The following ATXN7L3 variants were observed in gnomAD, a reference collection of about 807,000 sequenced individuals.
The protein encoded by ATXN7L3 is ataxin 7 like 3.
Under a neutral mutation model 50.0 loss-of-function variants are expected in ATXN7L3, and 6 were observed. That is an observed-to-expected ratio of 0.12 (90% CI 0.07 to 0.24). ATXN7L3 has a LOEUF of 0.24. Ranked by LOEUF, ATXN7L3 falls within the 10% of genes least tolerant of loss-of-function variation. The probability of loss-of-function intolerance (pLI) is 1.00; values close to 1 mark genes in which losing one functional copy is unlikely to be tolerated. For missense variants in ATXN7L3, 322 were observed against 451.3 expected (o/e 0.71, Z 2.60); for synonymous variants, 198 against 165.8 (o/e 1.19, Z -1.49).
At chr17:44,197,984 AG>A (rs1567775119) in intron 2 of ATXN7L3, 35 bp downstream of exon 2, 2 of 1,604,806 alleles carry the variant, frequency 1.2e-6, no homozygotes, top group African/African-American at 2.7e-5. Context: ...AGACATCAAG[AG>A]AAAGAACTGG....
Position 44,196,019 on chromosome 17 carries a change from T to C in ATXN7L3, c.523+15A>G, listed in dbSNP as rs1279586207. 2 of 1,607,738 alleles carry C rather than the reference T, an allele frequency of 1.2e-6. No homozygotes were observed. The highest frequency in any genetic ancestry group is 1.7e-5 in the Admixed American group (1 of 59,936). ...ACACAGCTAGAAGCATTCCCATTGC[T>C]CCGGCTCCACTTACCATTTTTGTGT... is the stretch of plus-strand genomic sequence containing the variant. On this transcript the variant is annotated intron_variant, in intron 7 of 12. Transcript: ENST00000587097.
At position 44,193,468 on chromosome 17, in the gene ATXN7L3, C is replaced by T. The variant is rs2055768942; in HGVS notation, c.*795G>A. 3 of 152,716 alleles carry T rather than the reference C, an allele frequency of 2.0e-5. No individual in the cohort carries two copies. The highest frequency in any genetic ancestry group is 1.5e-5 in the Non-Finnish European group (1 of 68,108). 9.5% of individuals were successfully genotyped at this position (152,716 alleles called of 1,614,324 possible). On this transcript the variant is annotated 3_prime_UTR_variant, in exon 13 of 13. Transcript: ENST00000587097. ...ACCGTTCCCTCTCACCTTGGGGCCC[C>T]ACTCCTCACCAGCCCTGGGTCAGGG...
intron 6 of ATXN7L3, 147 bp from the exon 7 acceptor site, chr17:44,196,226 T>TCCCCCCCCCCCCCCAGCCCCCC: frequency 2.7e-6 from 2 of 737,700 alleles, no homozygotes; most frequent in Non-Finnish European, 4.3e-6. Flanking sequence ...CCATGTGCCC[T>TCCCCCCCCCCCCCCAGCCCCCC]CCCCCACCCC....
Position 44,193,289 on chromosome 17 carries a change from A to T in ATXN7L3, c.*974T>A, listed in dbSNP as rs2055761859. 1 of 152,502 alleles carries T rather than the reference A, an allele frequency of 6.6e-6. No homozygotes were observed. The highest frequency in any genetic ancestry group is 6.6e-5 in the Admixed American group (1 of 15,264). The allele number at this position is 152,502 out of a possible 1,614,324, so 9.4% of individuals were successfully genotyped here. On this transcript the variant is annotated 3_prime_UTR_variant, in exon 13 of 13. Coordinates refer to ENST00000587097, the MANE Select transcript of ATXN7L3 (RefSeq NM_001382309.1). The stretch of plus-strand genomic sequence containing the variant: ...AGAGGAACTGAAGCCAGTCAAGGTG[A>T]AGGGGGTGGAAGCAGCAGTTGGGAA...
chr17:44,198,356 A>T, intron 1 of ATXN7L3: 1 of 425,744 alleles, frequency 2.3e-6, no homozygotes, highest in Non-Finnish European at 4.2e-6. Context: ...TGCCAATCAG[A>T]GTCTGGGTCT....
Position 44,195,401 on chromosome 17 carries a change from T to C in ATXN7L3, c.621+18A>G. Reference sequence around the variant, plus strand: ...AGCCCACTCCCAGGGACCTTCTCTCTTGCTGGTCCTCCCTCACCGTGGTTA... The same window carrying C: ...AGCCCACTCCCAGGGACCTTCTCTCCTGCTGGTCCTCCCTCACCGTGGTTA... On this transcript the variant is annotated intron_variant, in intron 9 of 12. Transcript: ENST00000587097. 6.2e-7 allele frequency: 1 copy of C among 1,612,064 alleles called. No homozygotes were observed. Among genetic ancestry groups the C allele is most frequent in the Non-Finnish European group, 8.5e-7 (1 of 1,178,144 alleles).
intron 5 of ATXN7L3, 96 bp downstream of exon 5, chr17:44,196,832 TC>T: frequency 1.3e-6 from 1 of 779,712 alleles, no homozygotes; most frequent in Admixed American, 2.2e-5. Flanking sequence ...CACTCTCTCT[TC>T]ATCATTCAAG....
At chr17:44,194,965 A>T in intron 10 of ATXN7L3, 126 bp from the exon 11 acceptor site, 2 of 1,465,738 alleles carry the variant, frequency 1.4e-6, no homozygotes, top group South Asian at 1.2e-5. Context: ...GATTGTGGCC[A>T]AAGGCCTCAT....
intron 1 of ATXN7L3, chr17:44,198,598 G>C (rs1262466793): frequency 6.5e-6 from 1 of 153,776 alleles, no homozygotes; most frequent in African/African-American, 2.4e-5. Flanking sequence ...ACTGCTACCA[G>C]AAGTAGAAAT....
In ATXN7L3 at chr17:44,193,951, G is replaced by GCCCA; in HGVS notation, c.*308_*311dup. On this transcript the variant is annotated 3_prime_UTR_variant, in exon 13 of 13. Transcript: ENST00000587097. Reference sequence around the variant, plus strand: ...GGGGCAGGCAGTGCCCTGGCACAGTGCCCAGGTCAGGCCCCTGGCCTAGCT... The same window carrying GCCCA: ...GGGGCAGGCAGTGCCCTGGCACAGTGCCCACCCAGGTCAGGCCCCTGGCCTAGCT... 1 of 321,510 alleles carries GCCCA rather than the reference G, an allele frequency of 3.1e-6. No homozygotes were observed. The highest frequency in any genetic ancestry group is 5.8e-6 in the Non-Finnish European group (1 of 171,750). The allele number at this position is 321,510 out of a possible 1,614,324, so 19.9% of individuals were successfully genotyped here.
chr17:44,197,745 A>G lies in ATXN7L3; in HGVS notation c.52-15T>C. On this transcript the variant is annotated splice_polypyrimidine_tract_variant and intron_variant, in intron 2 of 12. Transcript: ENST00000587097. Reference sequence around the variant, plus strand: ...TGAGCGATGGCCTGGGCCCCAGGGGAGAACATCTACGGTCACAAGAGTCAC... The same window carrying G: ...TGAGCGATGGCCTGGGCCCCAGGGGGGAACATCTACGGTCACAAGAGTCAC... The G allele has an allele frequency of 6.2e-7, 1 of 1,614,222 alleles. No homozygotes were observed. Among genetic ancestry groups the G allele is most frequent in the East Asian group, 2.2e-5 (1 of 44,888 alleles).
Position 44,198,035 on chromosome 17 carries a change from A to C in ATXN7L3, c.36T>G (p.Asp12Glu). The C allele has an allele frequency of 6.2e-7, 1 of 1,614,142 alleles. No individual in the cohort carries two copies. Among genetic ancestry groups the C allele is most frequent in the South Asian group, 1.1e-5 (1 of 91,080 alleles). Reference sequence around the variant, plus strand: ...GAGCCCTCACCTCTAGTTTGCTGTTATCCAGGCCAGACAAAGACATTTCCT... The same window carrying C: ...GAGCCCTCACCTCTAGTTTGCTGTTCTCCAGGCCAGACAAAGACATTTCCT... Reference protein sequence around the residue: ...KMEEMSLSGLDNSKLEAIAQE... With the variant: ...KMEEMSLSGLENSKLEAIAQE... The change falls in exon 2 of 13, where the codon GAT becomes GAG. Residue 12 changes from aspartate to glutamate, a missense_variant. Asp to Glu is a conservative substitution (Grantham distance 45). Transcript: ENST00000587097.
In ATXN7L3 at chr17:44,191,955, T is replaced by G; in HGVS notation, c.*2308A>C. On this transcript the variant is annotated 3_prime_UTR_variant, in exon 13 of 13. Coordinates refer to ENST00000587097, the MANE Select transcript of ATXN7L3 (RefSeq NM_001382309.1). ...CAGGACAGCGTGAGCCCCACCCCCCTCCCCCAATGACCCCAGCATGCGGTA... is the reference window on the plus strand; with the variant it reads ...CAGGACAGCGTGAGCCCCACCCCCCGCCCCCAATGACCCCAGCATGCGGTA... The G allele has an allele frequency of 6.4e-6, 1 of 156,302 alleles. No homozygotes were observed. Among genetic ancestry groups the G allele is most frequent in the Non-Finnish European group, 1.4e-5 (1 of 73,392 alleles). The allele number at this position is 156,302 out of a possible 1,614,324, so 9.7% of individuals were successfully genotyped here.
At chr17:44,197,444 C>T in intron 3 of ATXN7L3, 45 bp from the exon 4 acceptor site, 1 of 1,572,026 alleles carries the variant, frequency 6.4e-7, no homozygotes, top group Non-Finnish European at 8.6e-7. Flanking sequence ...AGGACCCTCT[C>T]CTCTTGTTCC....
intron 5 of ATXN7L3, among the ~76,000 whole-genome samples, 195 bp from the exon 6 acceptor site, chr17:44,196,613 A>G (rs1316829555): frequency 6.6e-6 from 1 of 151,780 alleles, no homozygotes; most frequent in African/African-American, 2.4e-5. Context: ...CCCCATCTCT[A>G]CTAAAAATAC....
At chr17:44,196,226 T>TCCCCCCCCCCCCCATGCCCCCCC in intron 6 of ATXN7L3, 147 bp from the exon 7 acceptor site, 1 of 737,704 alleles carries the variant, frequency 1.4e-6, no homozygotes, top group Non-Finnish European at 2.1e-6. Flanking sequence ...CCATGTGCCC[T>TCCCCCCCCCCCCCATGCCCCCCC]CCCCCACCCC....
Position 44,198,005 on chromosome 17 carries a change from T to TG in ATXN7L3, c.51+14dup. On this transcript the variant is annotated intron_variant, in intron 2 of 12. Transcript: ENST00000587097. ...CAAGAGAAAGAACTGGAGGCACACG[T>TG]GGGGGAGCCCTCACCTCTAGTTTGC... is the stretch of plus-strand genomic sequence containing the variant. 1 of 1,612,286 alleles carries TG rather than the reference T, an allele frequency of 6.2e-7. No homozygotes were observed. The highest frequency in any genetic ancestry group is 8.5e-7 in the Non-Finnish European group (1 of 1,178,568).
In ATXN7L3 at chr17:44,197,729, G is replaced by C. The variant is rs2055964689; in HGVS notation, c.53C>G (p.Ala18Gly). 1.2e-6 allele frequency: 2 copies of C among 1,614,158 alleles called. No individual in the cohort carries two copies. The highest frequency in any genetic ancestry group is 2.2e-5 in the South Asian group (2 of 91,096). The change falls in exon 3 of 13, where the codon GCC (alanine) becomes GGC (glycine). Residue 18 changes from alanine (A) to glycine (G), a missense_variant and splice_region_variant. This residue lies in a region of ATXN7L3 where 33 missense variants were observed against 35.1 expected (regional missense o/e 0.94). Transcript: ENST00000587097. ...LSGLDNSKLE[A>G]IAQEIYADLV... ...GTCCGCGTATATCTCCTGAGCGATG[G>C]CCTGGGCCCCAGGGGAGAACATCTA...
intron 8 of ATXN7L3, 101 bp downstream of exon 8, chr17:44,195,699 A>G (rs1193298114): frequency 1.3e-5 from 18 of 1,349,454 alleles, no homozygotes; most frequent in African/African-American, 4.3e-5. Flanking sequence ...ATAGCTCATC[A>G]GTGCCTCTGG....
Sources: gnomAD v4.1 joint callset for allele counts (sites outside exome capture counted in the v4.1 genomes callset) on GRCh38, gnomAD v4.1.1 for gene constraint, gnomAD v4.1.1 regional missense constraint, MANE v1.5 for transcripts, NCBI Gene and HGNC (gene_info 2026-07-23, HGNC 2026-07-21) for gene names.